RANBP17: variants seen among roughly 807,000 people sequenced by gnomAD.
RANBP17 encodes the protein RAN binding protein 17.
Under a neutral mutation model 141.2 loss-of-function variants are expected in RANBP17, and 158 were observed. The observed-to-expected ratio is 1.12, with a 90% CI of 0.98 to 1.28. The LOEUF is 1.28. Among genes scored for constraint, RANBP17 ranks in the 50% most tolerant of loss-of-function variants. RANBP17 has a pLI of 0.00. For synonymous variants in RANBP17, 430 were observed against 450.0 expected, an observed-to-expected ratio of 0.96 and a Z score of 0.56; for missense variants, 1,438 against 1,290.7, an observed-to-expected ratio of 1.11 and a Z score of -1.75.
At chr5:171,177,896 A>G (rs1760595449) in intron 16 of RANBP17, among the ~76,000 whole-genome samples, 1 of 152,096 alleles carries the variant, frequency 6.6e-6, no homozygotes, top group Non-Finnish European at 1.5e-5. Flanking sequence ...TACAGTGGGC[A>G]TTTAGAACTT....
intron 14 of RANBP17, among the ~76,000 whole-genome samples, chr5:171,017,694 T>A (rs909444262): frequency 1.3e-5 from 2 of 152,312 alleles, no homozygotes; most frequent in East Asian, 1.9e-4. Flanking sequence ...TTTTCTCCCA[T>A]CTATAGGTTG....
At chr5:171,273,519 G>A (rs1336815422) in intron 25 of RANBP17, among the ~76,000 whole-genome samples, 2 of 152,146 alleles carry the variant, frequency 1.3e-5, no homozygotes, top group South Asian at 2.1e-4. Flanking sequence ...CCAGCTAATT[G>A]TTGCCTTATA....
chr5:171,295,753 A>G, intron 26 of RANBP17, 134 bp from the exon 27 acceptor site: 1 of 868,670 alleles, frequency 1.2e-6, no homozygotes, highest in Non-Finnish European at 1.8e-6. Context: ...TAAAGTTCAA[A>G]GTGGACCTAG....
At chr5:171,110,207 C>A (rs1339272169) in intron 14 of RANBP17, among the ~76,000 whole-genome samples, 1 of 151,800 alleles carries the variant, frequency 6.6e-6, no homozygotes, top group South Asian at 2.1e-4. Context: ...TGACATTGGA[C>A]AAATATTTAT....
intron 14 of RANBP17, among the ~76,000 whole-genome samples, chr5:171,141,952 G>A (rs1423780933): frequency 6.6e-6 from 1 of 151,996 alleles, no homozygotes; most frequent in Non-Finnish European, 1.5e-5. Context: ...TACCTATTTA[G>A]TATGTCATAT....
chr5:171,253,154 G>A (rs748275935), intron 24 of RANBP17, among the ~76,000 whole-genome samples: 42 of 152,186 alleles, frequency 2.8e-4, no homozygotes, highest in Non-Finnish European at 4.9e-4. Flanking sequence ...AAGCCCTTCC[G>A]ATCACAGTAG....
At position 171,248,055 on chromosome 5, in the gene RANBP17, G is replaced by A. The variant is rs114909749; in HGVS notation, c.2776+5235G>A. Among the ~76,000 whole-genome samples the A allele has an allele frequency of 3.6e-3, 543 of 152,282 alleles. 4 individuals are homozygous for A. The highest frequency in any genetic ancestry group is 0.012 in the African/African-American group (505 of 41,558). ...CTCGAATAGAACATCTAGAAGAGAAGACTAGAGTCCTATAAAGAACTCACA... is the reference window on the plus strand; with the variant it reads ...CTCGAATAGAACATCTAGAAGAGAAAACTAGAGTCCTATAAAGAACTCACA... On this transcript the variant is annotated intron_variant, in intron 24 of 27. Coordinates refer to ENST00000523189, the MANE Select transcript of RANBP17 (RefSeq NM_022897.5).
chr5:171,044,861 A>T (rs1782468653), intron 14 of RANBP17, among the ~76,000 whole-genome samples: 1 of 152,070 alleles, frequency 6.6e-6, no homozygotes, highest in Admixed American at 6.5e-5. Flanking sequence ...GATTGATATT[A>T]CTTGGGGAGT....
At chr5:170,882,931 T>G (rs1240663074) in intron 3 of RANBP17, among the ~76,000 whole-genome samples, 1 of 152,182 alleles carries the variant, frequency 6.6e-6, no homozygotes, top group African/African-American at 2.4e-5. Flanking sequence ...AGAAATAGAT[T>G]GTTGACTCAT....
rs543160730 is a variant in RANBP17, at chr5:170,881,810, C to G, written c.170C>G (p.Ser57Cys). The change falls in exon 3 of 28, where the codon TCC becomes TGC. Residue 57 changes from serine (S) to cysteine (C), a missense_variant. Ser to Cys is a moderately radical substitution (Grantham distance 112). Transcript: ENST00000523189. ...CQLLLEQGTT[S>C]YAQLLAATCL... ...AAATAAAATTATTCTTTACAGACAT[C>G]CTATGCTCAGCTCCTTGCAGCAACA... is the stretch of plus-strand genomic sequence containing the variant. The G allele has an allele frequency of 1.3e-6, 2 of 1,590,624 alleles. No individual in the cohort carries two copies. The highest frequency in any genetic ancestry group is 1.7e-5 in the Admixed American group (1 of 57,972).
intron 24 of RANBP17, among the ~76,000 whole-genome samples, chr5:171,246,843 G>A (rs1765242209): frequency 1.3e-5 from 2 of 152,136 alleles, no homozygotes; most frequent in South Asian, 4.1e-4. Context: ...GCTGTCATAG[G>A]TGTTTCATGT....
rs375052126 is a variant in RANBP17 at position 171,199,699 on chromosome 5, A to T, written c.2068A>T (p.Met690Leu). Residue 690 changes from methionine (M) to leucine (L), a missense_variant, in exon 19 of 28, where the codon ATG becomes TTG. Met to Leu is a conservative substitution (Grantham distance 15). Transcript: ENST00000523189. The part of the protein sequence containing the change: ...GEDEDEFENF[M>L]LPLTVAFETV... ...AGATGAGGATGAATTTGAGAATTTCATGCTGCCTCTTACAGTTGCTTTTGA... is the reference window on the plus strand; with the variant it reads ...AGATGAGGATGAATTTGAGAATTTCTTGCTGCCTCTTACAGTTGCTTTTGA... 6 of 1,610,616 alleles carry T rather than the reference A, an allele frequency of 3.7e-6. No individual in the cohort carries two copies. Among genetic ancestry groups the T allele is most frequent in the Non-Finnish European group, 5.1e-6 (6 of 1,178,068 alleles).
chr5:171,205,696 G>A, intron 20 of RANBP17, 84 bp downstream of exon 20: 2 of 1,032,680 alleles, frequency 1.9e-6, no homozygotes, highest in Non-Finnish European at 3.0e-6. Flanking sequence ...GTATGGCACA[G>A]TAGGGAAGAG....
intron 14 of RANBP17, among the ~76,000 whole-genome samples, chr5:171,026,804 T>G (rs950900418): frequency 2.6e-5 from 4 of 152,312 alleles, no homozygotes; most frequent in Admixed American, 2.6e-4. Flanking sequence ...AATACTGGAA[T>G]GCTTCATATT....
At chr5:170,887,435 G>C (rs575261791) in intron 3 of RANBP17, among the ~76,000 whole-genome samples, 49 of 152,222 alleles carry the variant, frequency 3.2e-4, no homozygotes, top group African/African-American at 9.9e-4. Flanking sequence ...TTACACTTAG[G>C]TCTGTGAACC....
At chr5:171,050,473 G>A (rs1782884249) in intron 14 of RANBP17, among the ~76,000 whole-genome samples, 1 of 152,068 alleles carries the variant, frequency 6.6e-6, no homozygotes, top group African/African-American at 2.4e-5. Flanking sequence ...TTTAATCCCA[G>A]CACTTTGGAG....
chr5:171,028,993 A>C, intron 14 of RANBP17: 1 of 1,232,978 alleles, frequency 8.1e-7, no homozygotes, highest in South Asian at 1.3e-5. Context: ...GGTCCAGGTG[A>C]GGGCAAGTCA....
chr5:171,043,718 G>A (rs1186212420), intron 14 of RANBP17, among the ~76,000 whole-genome samples: 1 of 152,128 alleles, frequency 6.6e-6, no homozygotes, highest in African/African-American at 2.4e-5. Flanking sequence ...AGAGGGAGTT[G>A]GACTAGGGTA....
chr5:171,246,425 T>C (rs970200392), intron 24 of RANBP17, among the ~76,000 whole-genome samples: 1 of 152,200 alleles, frequency 6.6e-6, no homozygotes, highest in Non-Finnish European at 1.5e-5. Flanking sequence ...CTTGAGCAAT[T>C]GTTTTCCTCC....
Sources: allele counts gnomAD v4.1 joint callset (sites outside exome capture counted in the v4.1 genomes callset), GRCh38; gene constraint gnomAD v4.1.1; transcripts MANE v1.5; gene names NCBI Gene and HGNC (gene_info 2026-07-23, HGNC 2026-07-21).